Variants in HIVEP3 observed in about 807,000 individuals in gnomAD.
The protein encoded by HIVEP3 is transcription factor HIVEP3.
HIVEP3 carries 49 observed loss-of-function variants against 152.8 expected under a neutral mutation model. The ratio of observed to expected loss-of-function variants is 0.32; its 90% CI spans 0.26 to 0.41. The LOEUF (loss-of-function observed/expected upper bound fraction) is 0.41. Among genes scored for constraint, HIVEP3 ranks in the 10% least tolerant of loss-of-function variants. HIVEP3 has a pLI of 1.00. For synonymous variants in HIVEP3, 1,269 were observed against 1,289.0 expected (o/e 0.98, Z 0.33); for missense variants, 2,790 against 3,103.3 (o/e 0.90, Z 2.40).
At chr1:41,722,471 T>G in intron 1 of HIVEP3, among the ~76,000 whole-genome samples, 2 of 134,150 alleles carry the variant, frequency 1.5e-5, no homozygotes, top group African/African-American at 2.8e-5. Flanking sequence ...CTTCCTCCCC[T>G]TCCCTCTCCC....
At chr1:41,705,826 A>G (rs1224822221) in intron 1 of HIVEP3, among the ~76,000 whole-genome samples, 1 of 152,268 alleles carries the variant, frequency 6.6e-6, no homozygotes, top group Non-Finnish European at 1.5e-5. Flanking sequence ...AGTTCCATGC[A>G]GTCTTACTTC....
intron 2 of HIVEP3, among the ~76,000 whole-genome samples, chr1:41,631,384 A>G (rs1645191582): frequency 6.6e-6 from 1 of 152,168 alleles, no homozygotes; most frequent in African/African-American, 2.4e-5. Context: ...AAAGGTTGGA[A>G]CAATGCCTGG....
intron 1 of HIVEP3, among the ~76,000 whole-genome samples, chr1:41,790,989 C>G (rs778987823): frequency 6.6e-6 from 1 of 152,144 alleles, no homozygotes; most frequent in Non-Finnish European, 1.5e-5. Flanking sequence ...CACAATTCAC[C>G]CTTTCCTGTG....
At chr1:41,549,482 C>T (rs1306591558) in intron 5 of HIVEP3, among the ~76,000 whole-genome samples, 1 of 151,776 alleles carries the variant, frequency 6.6e-6, no homozygotes. Flanking sequence ...TAGTTTACAC[C>T]CCCACCAACA....
intron 5 of HIVEP3, among the ~76,000 whole-genome samples, chr1:41,555,331 C>T (rs1263828690): frequency 2.0e-5 from 3 of 152,160 alleles, no homozygotes; most frequent in East Asian, 3.9e-4. Flanking sequence ...CCTGGTGTGC[C>T]GTTTGCTAAG....
chr1:41,525,029 G>A (rs1642860348), intron 5 of HIVEP3, 119 bp from the exon 6 acceptor site: 9 of 962,046 alleles, frequency 9.4e-6, no homozygotes, highest in Admixed American at 2.4e-5. Flanking sequence ...AGGAATGGAG[G>A]CCACGGAACC....
rs77988327 is a variant in HIVEP3, at chr1:41,898,410, A to C, written c.-801+20003T>G. On this transcript the variant is annotated intron_variant, in intron 1 of 8. Coordinates refer to ENST00000372583, the MANE Select transcript of HIVEP3 (RefSeq NM_024503.5). Reference sequence around the variant, plus strand: ...AACACCCTCACCAAAACGCATCATCATCTTGCACTCATCTCTAAGTAGTGC... The same window carrying C: ...AACACCCTCACCAAAACGCATCATCCTCTTGCACTCATCTCTAAGTAGTGC... Among the ~76,000 whole-genome samples the C allele has an allele frequency of 3.8e-3, 586 of 152,280 alleles. 3 individuals are homozygous for C. Among genetic ancestry groups the C allele is most frequent in the African/African-American group, 0.013 (534 of 41,544 alleles).
intron 1 of HIVEP3, among the ~76,000 whole-genome samples, chr1:41,940,225 T>A (rs1350182074): frequency 6.6e-6 from 1 of 152,228 alleles, no homozygotes; most frequent in Non-Finnish European, 1.5e-5. Context: ...AGCTGAATTT[T>A]AAAAAATATA....
intron 5 of HIVEP3, among the ~76,000 whole-genome samples, chr1:41,567,843 T>C (rs1052356672): frequency 6.6e-6 from 1 of 152,232 alleles, no homozygotes; most frequent in Non-Finnish European, 1.5e-5. Flanking sequence ...GCCATCTGAC[T>C]TCACCTTCCC....
chr1:41,657,528 C>G (rs190097969), intron 2 of HIVEP3, among the ~76,000 whole-genome samples: 1 of 152,188 alleles, frequency 6.6e-6, no homozygotes, highest in East Asian at 1.9e-4. Context: ...TTTGTTGCCC[C>G]CTTTGGGAGC....
At chr1:41,518,591 A>G (rs1412223169) in intron 6 of HIVEP3, 103 bp from the exon 7 acceptor site, 4 of 1,030,302 alleles carry the variant, frequency 3.9e-6, no homozygotes, top group Non-Finnish European at 6.1e-6. Flanking sequence ...ATGGTTTCTC[A>G]GGCCAGTCAA....
intron 1 of HIVEP3, among the ~76,000 whole-genome samples, chr1:41,807,713 G>A (rs565511499): frequency 6.6e-6 from 1 of 152,216 alleles, no homozygotes; most frequent in East Asian, 1.9e-4. Context: ...ATGCTGTTGG[G>A]TGAAAGATGC....
Position 41,524,755 on chromosome 1 carries a change from T to G in HIVEP3, c.5363A>C (p.His1788Pro). The G allele has an allele frequency of 6.2e-7, 1 of 1,613,958 alleles. No individual in the cohort carries two copies. Among genetic ancestry groups the G allele is most frequent in the Non-Finnish European group, 8.5e-7 (1 of 1,180,012 alleles). ...CTTACCTTTGGTTTTAAAAGCAAAGTGACAGTGCTTGCACACATAGGGCCG... is the reference window on the plus strand; with the variant it reads ...CTTACCTTTGGTTTTAAAAGCAAAGGGACAGTGCTTGCACACATAGGGCCG... ...DVRPYVCKHCHFAFKTKGNLT... is the reference protein window; with the variant it reads ...DVRPYVCKHCPFAFKTKGNLT... The change falls in exon 6 of 9, where the codon CAC (histidine) becomes CCC (proline). Residue 1788 changes from histidine (H) to proline (P), a missense_variant. Around this residue, in one of 9 missense-constraint regions of HIVEP3, gnomAD observed 57 missense variants for 95.1 expected, o/e 0.60. Transcript: ENST00000372583.
upstream of HIVEP3, among the ~76,000 whole-genome samples, chr1:41,922,811 GGGAAGGAA>G (rs915410227): frequency 2.7e-5 from 4 of 148,944 alleles, no homozygotes; most frequent in Non-Finnish European, 6.0e-5. Context: ...GAAGGAGGGA[GGGAAGGAA>G]GGAAGGAAGG....
At chr1:41,747,541 A>G (rs1647091468) in intron 1 of HIVEP3, among the ~76,000 whole-genome samples, 1 of 152,246 alleles carries the variant, frequency 6.6e-6, no homozygotes, top group South Asian at 2.1e-4. Context: ...ATGACTTATG[A>G]TCCCATCCTA....
intron 1 of HIVEP3, among the ~76,000 whole-genome samples, chr1:41,701,230 A>ACCCCACAGGTATGCT (rs904508568): frequency 1.1e-4 from 16 of 152,264 alleles, no homozygotes; most frequent in African/African-American, 3.9e-4. Context: ...GCCCTGAGGA[A>ACCCCACAGGTATGCT]CCCCACAGGT....
chr1:41,852,431 C>T (rs567039477), intron 1 of HIVEP3, among the ~76,000 whole-genome samples: 61 of 152,348 alleles, frequency 4.0e-4, no homozygotes, highest in Non-Finnish European at 7.6e-4. Context: ...GGCCCAAATG[C>T]TTTGGATAGG....
chr1:41,717,087 G>A (rs555479394), intron 1 of HIVEP3, among the ~76,000 whole-genome samples: 1 of 152,182 alleles, frequency 6.6e-6, no homozygotes, highest in Non-Finnish European at 1.5e-5. Context: ...TGTGACCTTG[G>A]TTTCCCATGG....
At chr1:41,759,619 A>G (rs1421124925) in intron 1 of HIVEP3, among the ~76,000 whole-genome samples, 1 of 152,210 alleles carries the variant, frequency 6.6e-6, no homozygotes, top group Admixed American at 6.5e-5. Context: ...AACCTCCAAA[A>G]GGTTTTCCAC....
Sources: gnomAD v4.1 joint callset for allele counts (sites outside exome capture counted in the v4.1 genomes callset) on GRCh38, gnomAD v4.1.1 for gene constraint, gnomAD v4.1.1 regional missense constraint, MANE v1.5 for transcripts, NCBI Gene and HGNC (gene_info 2026-07-23, HGNC 2026-07-21) for gene names.